The following RGS6 variants were observed in gnomAD, a reference collection of about 807,000 sequenced individuals.
RGS6 encodes the protein regulator of G-protein signaling 6.
In RGS6, 30 loss-of-function variants were observed where a neutral mutation model predicts 78.5. That is an observed-to-expected ratio of 0.38 (90% CI 0.29 to 0.52). The LOEUF (loss-of-function observed/expected upper bound fraction) is 0.52. RGS6 is among the 20% of genes least tolerant of loss of function. The probability of loss-of-function intolerance (pLI) is 0.85; values close to 1 mark genes in which losing one functional copy is unlikely to be tolerated. For synonymous variants in RGS6, 206 were observed against 206.0 expected (o/e 1.00, Z 0.00); for missense variants, 495 against 609.7 (o/e 0.81, Z 1.98).
intron 2 of RGS6, among the ~76,000 whole-genome samples, chr14:72,052,418 C>T (rs1389440384): frequency 2.0e-5 from 3 of 152,140 alleles, no homozygotes; most frequent in African/African-American, 4.8e-5. Flanking sequence ...TTGAAATGTT[C>T]GTGAAATCAA....
chr14:72,562,782 G>A lies in RGS6; in HGVS notation c.*315G>A. On this transcript the variant is annotated 3_prime_UTR_variant, in exon 18 of 18. Coordinates refer to ENST00000553525, the MANE Select transcript of RGS6 (RefSeq NM_001204424.2). ...CTCATTCAGGGGAGAACACGTCGTG[G>A]GGTTCCTGTCACGACTATCACTTGA... 6.6e-7 allele frequency: 1 copy of A among 1,508,120 alleles called. No individual in the cohort carries two copies. Among genetic ancestry groups the A allele is most frequent in the Non-Finnish European group, 8.9e-7 (1 of 1,121,432 alleles). The allele number at this position is 1,508,120 out of a possible 1,614,324, so 93.4% of individuals were successfully genotyped here. A position where few individuals can be genotyped will look rare whatever the true frequency, so the allele number is the denominator to read the frequency against.
chr14:72,142,346 T>A (rs2153614611), intron 2 of RGS6, among the ~76,000 whole-genome samples: 1 of 151,896 alleles, frequency 6.6e-6, no homozygotes, highest in African/African-American at 2.4e-5. Context: ...GATGACATCC[T>A]TTTTAATAAG....
chr14:72,475,065 G>T (rs546908736), intron 10 of RGS6, among the ~76,000 whole-genome samples: 2 of 152,290 alleles, frequency 1.3e-5, no homozygotes, highest in Middle Eastern at 3.4e-3. Flanking sequence ...AGAGGGTCAG[G>T]TGTTCTGAAG....
At chr14:72,213,358 C>T (rs531126179) in intron 2 of RGS6, among the ~76,000 whole-genome samples, 89 of 152,246 alleles carry the variant, frequency 5.8e-4, no homozygotes, top group Non-Finnish European at 7.4e-4. Context: ...CACCACATGA[C>T]GTATGTAAGA....
At chr14:72,472,996 T>C (rs1398740847) in intron 9 of RGS6, 43 bp downstream of exon 9, 1 of 1,416,068 alleles carries the variant, frequency 7.1e-7, no homozygotes, top group Non-Finnish European at 9.7e-7. Flanking sequence ...TTTTTCTTAA[T>C]TGTTCATTTT....
At chr14:71,888,457 G>T in the RGS6 span, among the ~76,000 whole-genome samples, 66 of 151,788 alleles carry the variant, frequency 4.3e-4, no homozygotes, top group Middle Eastern at 3.4e-3. Flanking sequence ...AAAAAGAGAA[G>T]GGGGAATTTA....
rs575423023 is a variant in RGS6 at position 72,277,694 on chromosome 14, G to A, written c.85-74401G>A. Among the ~76,000 whole-genome samples the A allele has an allele frequency of 8.5e-5, 13 of 152,210 alleles. No homozygotes were observed. The East Asian group carries it at 9.7e-4, about 11-fold the overall frequency. On this transcript the variant is annotated intron_variant, in intron 2 of 17. Transcript: ENST00000553525. The stretch of plus-strand genomic sequence containing the variant: ...TATAATCCTAGCACTTTGGGAGGCC[G>A]AGGCAGTCAGATTGCTTGAGTTCAG...
At chr14:71,999,127 A>G (rs1344933253) in intron 2 of RGS6, among the ~76,000 whole-genome samples, 1 of 152,254 alleles carries the variant, frequency 6.6e-6, no homozygotes, top group African/African-American at 2.4e-5. Flanking sequence ...CCTAAAGGCC[A>G]CAGTTTATTG....
intron 2 of RGS6, among the ~76,000 whole-genome samples, chr14:72,005,168 A>G (rs981860140): frequency 2.0e-5 from 3 of 152,220 alleles, no homozygotes; most frequent in African/African-American, 7.2e-5. Flanking sequence ...GAGAGAAGCC[A>G]TTAATAAAAT....
At chr14:72,175,085 G>A (rs2097087703) in intron 2 of RGS6, among the ~76,000 whole-genome samples, 1 of 152,144 alleles carries the variant, frequency 6.6e-6, no homozygotes, top group African/African-American at 2.4e-5. Flanking sequence ...GTCATGCAAT[G>A]GCCAGTTATC....
chr14:72,216,249 C>A (rs1054216587), intron 2 of RGS6, among the ~76,000 whole-genome samples: 1 of 152,156 alleles, frequency 6.6e-6, no homozygotes, highest in African/African-American at 2.4e-5. Context: ...GCTCAGGCCT[C>A]GTCCAGAGCA....
intron 2 of RGS6, among the ~76,000 whole-genome samples, chr14:72,247,734 GGTTA>G (rs1442346168): frequency 3.3e-5 from 5 of 152,142 alleles, no homozygotes; most frequent in Non-Finnish European, 2.9e-5. Flanking sequence ...CTTGGGAGTG[GGTTA>G]GTTATCGAGA....
At chr14:72,276,182 T>A (rs879587922) in intron 2 of RGS6, among the ~76,000 whole-genome samples, 2 of 152,134 alleles carry the variant, frequency 1.3e-5, no homozygotes, top group Non-Finnish European at 2.9e-5. Context: ...GTTGACACAT[T>A]ATGAATGCTT....
intron 1 of RGS6, among the ~76,000 whole-genome samples, chr14:71,935,140 A>G (rs889766635): frequency 6.6e-6 from 1 of 152,200 alleles, no homozygotes; most frequent in African/African-American, 2.4e-5. Flanking sequence ...TACTATACAC[A>G]CACTATCCTG....
intron 17 of RGS6, among the ~76,000 whole-genome samples, chr14:72,548,351 G>GCGCA (rs2097442692): frequency 7.6e-6 from 1 of 130,966 alleles, no homozygotes; most frequent in African/African-American, 3.6e-5. Flanking sequence ...GTGCGCGCGT[G>GCGCA]TGTGTGTGTG....
At chr14:72,528,592 T>G (rs557299616) in intron 15 of RGS6, among the ~76,000 whole-genome samples, 5 of 152,154 alleles carry the variant, frequency 3.3e-5, no homozygotes, top group Non-Finnish European at 5.9e-5. Flanking sequence ...TTGTTCATAG[T>G]CAGCTTAGTC....
the RGS6 span, among the ~76,000 whole-genome samples, chr14:71,879,167 A>G: frequency 8.8e-3 from 1,336 of 152,350 alleles, 25 homozygotes; most frequent in African/African-American, 0.031. Context: ...AAAAAACTCA[A>G]TATGGATTTA....
At chr14:72,550,359 C>A in intron 17 of RGS6, 1 of 985,488 alleles carries the variant, frequency 1.0e-6, no homozygotes, top group Non-Finnish European at 1.6e-6. Flanking sequence ...GGCACCTGTA[C>A]TTAGTGACAG....
chr14:72,322,991 G>C (rs972775465), intron 2 of RGS6, among the ~76,000 whole-genome samples: 3 of 152,032 alleles, frequency 2.0e-5, no homozygotes, highest in Non-Finnish European at 4.4e-5. Context: ...TACAAGGAAA[G>C]ATACCTTAAT....
Sources: allele counts gnomAD v4.1 joint callset (sites outside exome capture counted in the v4.1 genomes callset), GRCh38; gene constraint gnomAD v4.1.1; transcripts MANE v1.5; gene names NCBI Gene and HGNC (gene_info 2026-07-23, HGNC 2026-07-21).